Variants in MSRA observed in about 807,000 individuals in gnomAD.
MSRA encodes the protein mitochondrial peptide methionine sulfoxide reductase.
MSRA carries 54 observed loss-of-function variants against 31.3 expected under a neutral mutation model. That is an observed-to-expected ratio of 1.73 (90% CI 1.39 to 2.17). MSRA has a LOEUF of 2.17. Ranked by LOEUF, MSRA falls within the 30% of genes most tolerant of loss-of-function variation. The pLI is 0.00. For synonymous variants in MSRA, 169 were observed against 116.5 expected, an observed-to-expected ratio of 1.45 and a Z score of -2.90; for missense variants, 507 against 300.9, an observed-to-expected ratio of 1.69 and a Z score of -5.07.
At chr8:10,367,961 T>C (rs1805262638) in intron 5 of MSRA, among the ~76,000 whole-genome samples, 1 of 152,172 alleles carries the variant, frequency 6.6e-6, no homozygotes, top group Non-Finnish European at 1.5e-5. Context: ...AGGAGGGGAC[T>C]TGTGGGTGAA....
At chr8:10,205,926 T>C (rs896577950) in intron 1 of MSRA, among the ~76,000 whole-genome samples, 2 of 152,240 alleles carry the variant, frequency 1.3e-5, no homozygotes, top group Non-Finnish European at 2.9e-5. Flanking sequence ...ATTCATTTGA[T>C]AAATCATAAA....
chr8:10,237,434 A>G (rs903292865), intron 2 of MSRA, among the ~76,000 whole-genome samples: 8 of 152,280 alleles, frequency 5.3e-5, no homozygotes, highest in Admixed American at 4.6e-4. Context: ...TTGTGTGTCC[A>G]AACCAAATTA....
chr8:10,144,030 C>G (rs1488669741), intron 1 of MSRA, among the ~76,000 whole-genome samples: 1 of 152,092 alleles, frequency 6.6e-6, no homozygotes, highest in Non-Finnish European at 1.5e-5. Flanking sequence ...TGGTGGCTTG[C>G]TTTTCCCATT....
At chr8:10,277,699 T>C (rs1799397791) in intron 3 of MSRA, among the ~76,000 whole-genome samples, 1 of 152,214 alleles carries the variant, frequency 6.6e-6, no homozygotes, top group African/African-American at 2.4e-5. Context: ...ATCATCTTTC[T>C]TAAAAATAAA....
At chr8:10,417,290 GTCC>G (rs1808517847) in intron 5 of MSRA, among the ~76,000 whole-genome samples, 1 of 152,120 alleles carries the variant, frequency 6.6e-6, no homozygotes, top group African/African-American at 2.4e-5. Flanking sequence ...GCCTGGGTTT[GTCC>G]TCCTTGCATG....
chr8:10,355,965 T>A (rs1235595115), intron 5 of MSRA, among the ~76,000 whole-genome samples: 4 of 152,182 alleles, frequency 2.6e-5, no homozygotes, highest in Non-Finnish European at 4.4e-5. Flanking sequence ...AGGGGTCTGT[T>A]CACAAGGAAT....
At chr8:10,337,693 C>G (rs1341036719) in intron 5 of MSRA, 16 of 702,346 alleles carry the variant, frequency 2.3e-5, no homozygotes, top group Non-Finnish European at 4.2e-5. Context: ...ACCTTATACT[C>G]CTCCTCTCTC....
intron 1 of MSRA, among the ~76,000 whole-genome samples, chr8:10,075,370 G>A (rs1797950868): frequency 6.6e-6 from 1 of 152,160 alleles, no homozygotes; most frequent in Non-Finnish European, 1.5e-5. Flanking sequence ...GTCAGTAAAT[G>A]GAAGCTATGT....
rs184187096 is a variant in MSRA at position 10,067,325 on chromosome 8, C to A, written c.142+12667C>A. On this transcript the variant is annotated intron_variant, in intron 1 of 5. Transcript: ENST00000317173. ...TCACTTAACAATATGATTTGAGGAG[C>A]CTTCATGTCTTTTCCTGGTTGGATA... Among the ~76,000 whole-genome samples, 967 of 152,232 alleles carry A rather than the reference C, an allele frequency of 6.4e-3. 3 individuals are homozygous for A. The highest frequency in any genetic ancestry group is 9.5e-3 in the Non-Finnish European group (648 of 68,024).
At chr8:10,269,866 T>C (rs1005994351) in intron 3 of MSRA, among the ~76,000 whole-genome samples, 2 of 152,084 alleles carry the variant, frequency 1.3e-5, no homozygotes, top group Non-Finnish European at 2.9e-5. Flanking sequence ...TTAGCCAGGA[T>C]GGTCTCGATC....
intron 1 of MSRA, among the ~76,000 whole-genome samples, chr8:10,090,305 T>G (rs528704354): frequency 1.3e-5 from 2 of 152,210 alleles, no homozygotes; most frequent in East Asian, 1.9e-4. Flanking sequence ...GGAGCGATGT[T>G]TGGATGGAAT....
intron 1 of MSRA, among the ~76,000 whole-genome samples, chr8:10,098,664 A>T (rs1259368241): frequency 6.6e-6 from 1 of 152,248 alleles, no homozygotes; most frequent in Non-Finnish European, 1.5e-5. Flanking sequence ...GAGTGTGATT[A>T]TAAAAAATCA....
At chr8:10,204,945 A>G (rs1473559503) in intron 1 of MSRA, among the ~76,000 whole-genome samples, 2 of 152,234 alleles carry the variant, frequency 1.3e-5, no homozygotes, top group African/African-American at 2.4e-5. Context: ...AAACAGTGGC[A>G]TAAGTGCAAA....
intron 5 of MSRA, among the ~76,000 whole-genome samples, chr8:10,419,313 G>A (rs944418766): frequency 6.6e-6 from 1 of 152,062 alleles, no homozygotes; most frequent in Non-Finnish European, 1.5e-5. Context: ...ATCCAGACCT[G>A]GATTCTTGTC....
intron 5 of MSRA, among the ~76,000 whole-genome samples, chr8:10,427,619 T>G (rs374405937): frequency 8.6e-5 from 13 of 151,852 alleles, no homozygotes; most frequent in East Asian, 3.9e-4. Flanking sequence ...ATCCTGGGAG[T>G]GGGCTGGGGT....
At chr8:10,207,629 A>C (rs1809113056) in intron 1 of MSRA, among the ~76,000 whole-genome samples, 1 of 152,192 alleles carries the variant, frequency 6.6e-6, no homozygotes, top group African/African-American at 2.4e-5. Flanking sequence ...CTCATTTATA[A>C]AATGACATAC....
chr8:10,219,317 C>T (rs1563231946), intron 2 of MSRA, among the ~76,000 whole-genome samples: 1 of 152,280 alleles, frequency 6.6e-6, no homozygotes, highest in African/African-American at 2.4e-5. Context: ...ACTTCCAGTT[C>T]TCACAGAAGG....
At chr8:10,384,571 C>A (rs989502798) in intron 5 of MSRA, among the ~76,000 whole-genome samples, 1 of 152,228 alleles carries the variant, frequency 6.6e-6, no homozygotes, top group Admixed American at 6.5e-5. Context: ...CACATTCTGA[C>A]ACTGAGCTGG....
At chr8:10,194,852 G>C (rs1468127067) in intron 1 of MSRA, among the ~76,000 whole-genome samples, 2 of 152,160 alleles carry the variant, frequency 1.3e-5, no homozygotes, top group South Asian at 4.1e-4. Context: ...GAGACTCCTG[G>C]GCTTCCAGGT....
Sources: gnomAD v4.1 joint callset for allele counts (sites outside exome capture counted in the v4.1 genomes callset) on GRCh38, gnomAD v4.1.1 for gene constraint, MANE v1.5 for transcripts, NCBI Gene and HGNC (gene_info 2026-07-23, HGNC 2026-07-21) for gene names.